Variants in TMEM163 observed in about 807,000 individuals in gnomAD.
TMEM163 encodes transmembrane protein 163.
TMEM163 carries 17 observed loss-of-function variants against 29.3 expected under a neutral mutation model. That is an observed-to-expected ratio of 0.58 (90% CI 0.40 to 0.87). The LOEUF is 0.87. TMEM163 is among the 40% of genes least tolerant of loss of function. TMEM163 has a pLI of 0.00. For missense variants in TMEM163, 303 were observed against 381.5 expected (o/e 0.79, Z 1.71); for synonymous variants, 157 against 160.6 (o/e 0.98, Z 0.17).
At chr2:134,585,707 A>AGT (rs1681806291) in intron 2 of TMEM163, among the ~76,000 whole-genome samples, 1 of 149,666 alleles carries the variant, frequency 6.7e-6, no homozygotes, top group Non-Finnish European at 1.5e-5. Context: ...GCGCCACTGC[A>AGT]CTCCAGCCTG....
chr2:134,468,573 A>G (rs1293763233), intron 5 of TMEM163: 1 of 152,268 alleles, frequency 6.6e-6, no homozygotes, highest in Non-Finnish European at 1.5e-5. Flanking sequence ...CAGGAAATTC[A>G]AGAACTTTGA....
At chr2:134,619,994 C>T (rs182310930) in intron 2 of TMEM163, among the ~76,000 whole-genome samples, 105 of 152,200 alleles carry the variant, frequency 6.9e-4, no homozygotes, top group African/African-American at 2.3e-3. Context: ...GACTCGTACA[C>T]TAGAAACTAT....
chr2:134,718,604 G>A (rs1037350861), intron 1 of TMEM163, 130 bp downstream of exon 1: 6 of 623,768 alleles, frequency 9.6e-6, no homozygotes, highest in Non-Finnish European at 1.0e-5. Context: ...CGTTCTCGCC[G>A]GGAAGTCGGG....
intron 2 of TMEM163, among the ~76,000 whole-genome samples, chr2:134,661,494 A>G (rs1437176109): frequency 6.6e-6 from 1 of 152,252 alleles, no homozygotes; most frequent in Admixed American, 6.5e-5. Flanking sequence ...GCCACAGCCC[A>G]GCACCATTAC....
chr2:134,515,734 A>G (rs1194757119), intron 4 of TMEM163, among the ~76,000 whole-genome samples: 1 of 152,238 alleles, frequency 6.6e-6, no homozygotes, highest in African/African-American at 2.4e-5. Flanking sequence ...ACATATGCAG[A>G]TTAGAAATAC....
chr2:134,568,826 A>G (rs1681359760), intron 2 of TMEM163, among the ~76,000 whole-genome samples: 1 of 152,242 alleles, frequency 6.6e-6, no homozygotes, highest in African/African-American at 2.4e-5. Context: ...AGCATTCTAA[A>G]GCAAGGAGAG....
chr2:134,669,212 A>G (rs4954159), intron 2 of TMEM163, among the ~76,000 whole-genome samples: 98,212 of 152,106 alleles, frequency 0.65, 32,983 homozygotes, highest in African/African-American at 0.79. Flanking sequence ...CCCTCTTGAT[A>G]CCCACTCATG....
chr2:134,511,156 G>GGGGGGC (rs1679939132), intron 4 of TMEM163, among the ~76,000 whole-genome samples: 2 of 150,920 alleles, frequency 1.3e-5, no homozygotes, highest in African/African-American at 4.9e-5. Context: ...AACAAGGCGG[G>GGGGGGC]GGGGGGTGCT....
Position 134,466,244 on chromosome 2 carries a change from G to T in TMEM163, c.556-19C>A. The T allele has an allele frequency of 6.3e-7, 1 of 1,596,246 alleles. No homozygotes were observed. Among genetic ancestry groups the T allele is most frequent in the Non-Finnish European group, 8.6e-7 (1 of 1,166,264 alleles). ...AATCGTCCTGCAAGAGAAAGTTCCA[G>T]ATTTCAACAGTTCACCTCCTGCTGG... On this transcript the variant is annotated intron_variant, in intron 5 of 7. Transcript: ENST00000281924.
intron 2 of TMEM163, among the ~76,000 whole-genome samples, chr2:134,615,332 C>T (rs566096928): frequency 6.6e-6 from 1 of 152,160 alleles, no homozygotes; most frequent in Non-Finnish European, 1.5e-5. Context: ...ATGGTGAAAT[C>T]ATTAATGCTT....
rs762281006 is a variant in TMEM163, at chr2:134,550,562, C to CTACT, written c.458+4_458+7dup. 148 of 1,613,802 alleles carry CTACT rather than the reference C, an allele frequency of 9.2e-5. No homozygotes were observed. Among genetic ancestry groups the CTACT allele is most frequent in the Admixed American group, 5.5e-4 (33 of 60,012 alleles). ...CTTCAGCCTGGAGAAAGACAAGAAT[C>CTACT]TACTTACATGTACTCCCTATGGGCA... On this transcript the variant is annotated splice_region_variant and intron_variant, in intron 4 of 7. Transcript: ENST00000281924.
chr2:134,524,571 T>C (rs951470618), intron 4 of TMEM163, among the ~76,000 whole-genome samples: 1 of 149,742 alleles, frequency 6.7e-6, no homozygotes, highest in Non-Finnish European at 1.5e-5. Flanking sequence ...TTCCCCTCCC[T>C]GTGTCCATGT....
At chr2:134,554,511 A>C (rs1558943545) in intron 2 of TMEM163, among the ~76,000 whole-genome samples, 1 of 151,362 alleles carries the variant, frequency 6.6e-6, no homozygotes, top group Non-Finnish European at 1.5e-5. Flanking sequence ...CCTAGGGCTG[A>C]GCACCATGGA....
rs1387350365 is a variant in TMEM163, at chr2:134,460,326, C to T, written c.668-2153G>A. Among the ~76,000 whole-genome samples the T allele has an allele frequency of 6.6e-6, 1 of 152,080 alleles. No individual in the cohort carries two copies. The highest frequency in any genetic ancestry group is 2.4e-5 in the African/African-American group (1 of 41,398). Reference sequence around the variant, plus strand: ...GGCTTGTCACCATCACCCAGGGCCTCCCTCCCAGCCCTGTCCTCAGCCCTC... The same window carrying T: ...GGCTTGTCACCATCACCCAGGGCCTTCCTCCCAGCCCTGTCCTCAGCCCTC... On this transcript the variant is annotated intron_variant, in intron 6 of 7. Coordinates refer to ENST00000281924, the MANE Select transcript of TMEM163 (RefSeq NM_030923.5). This position sits in a 1 kb window ranked among gnomAD's most constrained non-coding sequence, Gnocchi z 4.3.
intron 2 of TMEM163, among the ~76,000 whole-genome samples, chr2:134,645,033 A>G (rs1683303744): frequency 6.6e-6 from 1 of 152,234 alleles, no homozygotes; most frequent in African/African-American, 2.4e-5. Context: ...ATCATTACCC[A>G]TTAGGGAAAT....
At chr2:134,578,899 T>G (rs1430323158) in intron 2 of TMEM163, among the ~76,000 whole-genome samples, 1 of 152,088 alleles carries the variant, frequency 6.6e-6, no homozygotes, top group Non-Finnish European at 1.5e-5. Context: ...CTCACTAGAT[T>G]CCCTCCACCC....
intron 4 of TMEM163, among the ~76,000 whole-genome samples, chr2:134,519,233 C>A (rs561873282): frequency 1.3e-5 from 2 of 152,356 alleles, no homozygotes; most frequent in East Asian, 3.9e-4. Flanking sequence ...AAAAGCAAGA[C>A]TTCCCTCCTT....
rs17852356 is a variant in TMEM163, at chr2:134,458,100, C to T, written c.741G>A (p.Ser247=). 3.1e-6 allele frequency: 5 copies of T among 1,614,160 alleles called. No homozygotes were observed. Among genetic ancestry groups the T allele is most frequent in the Middle Eastern group, 3.3e-4 (2 of 6,062 alleles). Residue 247 remains serine (S), a synonymous_variant, in exon 7 of 8, where the codon TCG becomes TCA. Coordinates refer to ENST00000281924, the MANE Select transcript of TMEM163 (RefSeq NM_030923.5). Reference sequence around the variant, plus strand: ...TGCTGCCGTCCAGGTACCAGACCGCCGAGTCATGCTTGAACACTTCCGCGC... The same window carrying T: ...TGCTGCCGTCCAGGTACCAGACCGCTGAGTCATGCTTGAACACTTCCGCGC... ...LLSAEVFKHD[S]AVWYLDGSIG... is the part of the protein sequence containing the mutation.
intron 2 of TMEM163, among the ~76,000 whole-genome samples, chr2:134,636,467 A>G (rs1415466939): frequency 6.6e-6 from 1 of 152,214 alleles, no homozygotes; most frequent in Non-Finnish European, 1.5e-5. Flanking sequence ...ATTATAACTG[A>G]GACAGTGAAA....
Sources: allele counts gnomAD v4.1 joint callset (sites outside exome capture counted in the v4.1 genomes callset), GRCh38; gene constraint gnomAD v4.1.1; non-coding constraint Gnocchi (gnomAD v3.1); transcripts MANE v1.5; gene names NCBI Gene and HGNC (gene_info 2026-07-23, HGNC 2026-07-21).